The following WDPCP variants were observed in gnomAD, a reference collection of about 807,000 sequenced individuals.
WDPCP encodes WD repeat-containing and planar cell polarity effector protein fritz homolog.
A neutral mutation model predicts 93.1 loss-of-function variants in WDPCP; 71 were observed. The observed-to-expected ratio is 0.76, with a 90% CI of 0.63 to 0.93. The LOEUF is 0.93. WDPCP is among the 40% of genes least tolerant of loss of function. The probability of loss-of-function intolerance (pLI) is 0.00; values close to 1 mark genes in which losing one functional copy is unlikely to be tolerated. For synonymous variants in WDPCP, 315 were observed against 315.0 expected (o/e 1.00, Z 0.00); for missense variants, 844 against 887.4 (o/e 0.95, Z 0.62).
At chr2:63,660,607 A>G (rs1352697690) in intron 2 of WDPCP, among the ~76,000 whole-genome samples, 1 of 152,176 alleles carries the variant, frequency 6.6e-6, no homozygotes, top group East Asian at 1.9e-4. Flanking sequence ...CTATGCATGT[A>G]CCCCCCTGTA....
rs577419798 is a variant in WDPCP at position 63,480,346 on chromosome 2, A to C, written c.384+4258T>G. Among the ~76,000 whole-genome samples the C allele has an allele frequency of 6.6e-5, 10 of 152,264 alleles. 1 individual carries two copies. The South Asian group carries it at 2.1e-3, about 32-fold the overall frequency. ...CTACAAATTCAATGTAATTCCCATC[A>C]AATACCACCACCATTCTTCACAGAA... On this transcript the variant is annotated intron_variant, in intron 6 of 17. Transcript: ENST00000272321.
At chr2:63,811,320 A>G (rs1670859578) in intron 2 of WDPCP, among the ~76,000 whole-genome samples, 1 of 152,142 alleles carries the variant, frequency 6.6e-6, no homozygotes, top group East Asian at 1.9e-4. Flanking sequence ...CCATAATTAC[A>G]TTGCTCGGTC....
At chr2:63,208,798 C>T (rs1676533145) in intron 14 of WDPCP, among the ~76,000 whole-genome samples, 1 of 152,158 alleles carries the variant, frequency 6.6e-6, no homozygotes, top group Admixed American at 6.5e-5. Context: ...TTGTGTGAGA[C>T]TCTGCTTTCA....
In WDPCP at chr2:63,607,088, G is replaced by A. The variant is rs1339825901; in HGVS notation, n.488+43571C>T. On this transcript the variant is annotated intron_variant and non_coding_transcript_variant, in intron 3 of 4. Coordinates refer to the WDPCP transcript ENST00000467687. Reference sequence around the variant, plus strand: ...ATAATGCTATACTTAAATTACTTGTGAAAAACAACACATTTTAAAGATTAC... The same window carrying A: ...ATAATGCTATACTTAAATTACTTGTAAAAAACAACACATTTTAAAGATTAC... 2.5e-6 allele frequency: 3 copies of A among 1,186,414 alleles called. No homozygotes were observed. In the African/African-American group the frequency reaches 4.7e-5, roughly 18 times the overall value. The allele number at this position is 1,186,414 out of a possible 1,614,324, so 73.5% of individuals were successfully genotyped here.
chr2:63,507,390 A>C (rs1558728865), intron 1 of WDPCP, among the ~76,000 whole-genome samples: 1 of 152,148 alleles, frequency 6.6e-6, no homozygotes, highest in Non-Finnish European at 1.5e-5. Context: ...CTATAATTCT[A>C]TATCTAGCCA....
chr2:63,521,690 A>G (rs901399033), intron 1 of WDPCP, among the ~76,000 whole-genome samples: 7 of 152,164 alleles, frequency 4.6e-5, no homozygotes, highest in Admixed American at 3.9e-4. Flanking sequence ...ATAGACATCT[A>G]CAGAACTCTC....
chr2:63,198,896 G>A lies in WDPCP; in HGVS notation c.1916-24064C>T, dbSNP rs550204042. Among the ~76,000 whole-genome samples, 17 of 152,322 alleles carry A rather than the reference G, an allele frequency of 1.1e-4. No individual in the cohort carries two copies. The South Asian group carries it at 3.3e-3, about 30-fold the overall frequency. On this transcript the variant is annotated intron_variant, in intron 14 of 17. Transcript: ENST00000272321. Reference sequence around the variant, plus strand: ...GAAGAAGACAGGAAGATGAGGGAAAGTTTGGAGCTTCTTAGAGACTGGTTA... The same window carrying A: ...GAAGAAGACAGGAAGATGAGGGAAAATTTGGAGCTTCTTAGAGACTGGTTA...
At chr2:63,796,547 G>A (rs1670620111) in intron 2 of WDPCP, among the ~76,000 whole-genome samples, 1 of 152,188 alleles carries the variant, frequency 6.6e-6, no homozygotes, top group African/African-American at 2.4e-5. Context: ...GATAATCTGT[G>A]TGCTTGGGAG....
chr2:63,276,038 CA>C (rs1214728943), intron 13 of WDPCP, among the ~76,000 whole-genome samples: 1 of 152,170 alleles, frequency 6.6e-6, no homozygotes, highest in Non-Finnish European at 1.5e-5. Context: ...GATCTGAAGA[CA>C]AATCACATCA....
chr2:63,637,420 G>GA (rs11435282), intron 3 of WDPCP, among the ~76,000 whole-genome samples: 71,618 of 99,108 alleles, frequency 0.72, 25,207 homozygotes, highest in East Asian at 0.92. Context: ...GGCTACAACA[G>GA]AAAAAAAAAA....
chr2:63,516,611 C>T (rs951568307), intron 1 of WDPCP, among the ~76,000 whole-genome samples: 1 of 140,564 alleles, frequency 7.1e-6, no homozygotes, highest in African/African-American at 2.8e-5. Context: ...ATGACCAGCA[C>T]ATCATTGTCA....
At chr2:63,628,887 TG>T (rs1285111561) in intron 3 of WDPCP, among the ~76,000 whole-genome samples, 8 of 152,228 alleles carry the variant, frequency 5.3e-5, no homozygotes, top group Non-Finnish European at 1.2e-4. Context: ...GGAGCTGGAA[TG>T]GGCTTCACAG....
chr2:63,493,322 C>T (rs756710266), intron 1 of WDPCP, among the ~76,000 whole-genome samples: 34 of 151,986 alleles, frequency 2.2e-4, no homozygotes, highest in Non-Finnish European at 4.0e-4. Flanking sequence ...TTATTAAGTA[C>T]GAGCACATTT....
intron 14 of WDPCP, among the ~76,000 whole-genome samples, chr2:63,218,170 C>A (rs574352937): frequency 3.3e-5 from 5 of 152,124 alleles, no homozygotes; most frequent in African/African-American, 9.6e-5. Flanking sequence ...GAAATTTAGA[C>A]CACAAAAATT....
At chr2:63,540,109 A>G (rs985010215) in intron 1 of WDPCP, among the ~76,000 whole-genome samples, 4 of 152,222 alleles carry the variant, frequency 2.6e-5, no homozygotes, top group African/African-American at 4.8e-5. Flanking sequence ...GATGCTATGT[A>G]TAAGTATATT....
upstream of WDPCP, chr2:63,589,360 T>C (rs1427921145): frequency 2.6e-6 from 4 of 1,550,626 alleles, no homozygotes; most frequent in Non-Finnish European, 3.5e-6. Context: ...CAAAGGACGT[T>C]ACGGTGTTTG....
intron 6 of WDPCP, among the ~76,000 whole-genome samples, chr2:63,465,450 G>A (rs1467818181): frequency 6.6e-6 from 1 of 152,146 alleles, no homozygotes; most frequent in Non-Finnish European, 1.5e-5. Flanking sequence ...GGGATCCAAA[G>A]TGAGGGCCAC....
intron 6 of WDPCP, among the ~76,000 whole-genome samples, chr2:63,452,188 A>C (rs1469897614): frequency 6.6e-6 from 1 of 152,216 alleles, no homozygotes; most frequent in Non-Finnish European, 1.5e-5. Context: ...TATATCTAGA[A>C]AACCCCATCG....
At chr2:63,501,336 G>T (rs1701534575) in intron 1 of WDPCP, among the ~76,000 whole-genome samples, 1 of 152,184 alleles carries the variant, frequency 6.6e-6, no homozygotes, top group Admixed American at 6.5e-5. Flanking sequence ...GGCCGAGGTA[G>T]AAGGATTGCT....
Sources: gnomAD v4.1 joint callset for allele counts (sites outside exome capture counted in the v4.1 genomes callset) on GRCh38, gnomAD v4.1.1 for gene constraint, MANE v1.5 for transcripts, NCBI Gene and HGNC (gene_info 2026-07-23, HGNC 2026-07-21) for gene names.